TSR2: variants seen among roughly 807,000 people sequenced by gnomAD.
The protein encoded by TSR2 is pre-rRNA-processing protein TSR2 homolog.
TSR2 carries 1 observed loss-of-function variant against 13.3 expected under a neutral mutation model. The ratio of observed to expected loss-of-function variants is 0.08; its 90% CI spans 0.03 to 0.36. The LOEUF is 0.36. Among genes scored for constraint, TSR2 ranks in the 10% least tolerant of loss-of-function variants. The probability of loss-of-function intolerance (pLI) is 0.99; values close to 1 mark genes in which losing one functional copy is unlikely to be tolerated. For synonymous variants in TSR2, 60 were observed against 57.7 expected, an observed-to-expected ratio of 1.04 and a Z score of -0.18; for missense variants, 120 against 151.1, an observed-to-expected ratio of 0.79 and a Z score of 1.08.
Position 54,446,384 on chromosome X carries a change from T to A in TSR2, c.*1834T>A. 1 of 1,210,280 alleles carries A rather than the reference T, an allele frequency of 8.3e-7. No homozygotes were observed. Among genetic ancestry groups the A allele is most frequent in the Non-Finnish European group, 1.1e-6 (1 of 894,879 alleles). On this transcript the variant is annotated 3_prime_UTR_variant, in exon 5 of 5. Coordinates refer to ENST00000375151, the MANE Select transcript of TSR2 (RefSeq NM_058163.3). ...TCGGGCGGTCCCACCTCGAAGCCAA[T>A]GAGGGGCAGGCTGCGCTGGGCTTTC...
At position 54,443,931 on chromosome X, in the gene TSR2, C is replaced by T. The variant is rs1390363421; in HGVS notation, c.265-77C>T. 18 of 1,163,093 alleles carry T rather than the reference C, an allele frequency of 1.5e-5. No homozygotes were observed. In the South Asian group the frequency reaches 1.6e-4, roughly 10 times the overall value. On this transcript the variant is annotated intron_variant, in intron 3 of 4. Transcript: ENST00000375151. ...TTCTGGAAAAATCCAACCTACTCCC[C>T]ACTGTTGCTTCAAACACGTGCTGTT...
intron 2 of TSR2, among the ~76,000 whole-genome samples, chrX:54,441,358 G>A (rs929669597): frequency 8.9e-6 from 1 of 111,821 alleles, no homozygotes; most frequent in African/African-American, 3.3e-5. Flanking sequence ...GGATATACAA[G>A]AACAAGAGGC....
At chrX:54,440,616 C>T (rs1029518606) in intron 1 of TSR2, 74 bp from the exon 2 acceptor site, 23 of 1,126,201 alleles carry the variant, frequency 2.0e-5, no homozygotes, top group Non-Finnish European at 2.8e-5. Flanking sequence ...GTTGGCTGGG[C>T]GGCGTAAGCG....
At chrX:54,441,789 A>G (rs1200753730) in intron 2 of TSR2, among the ~76,000 whole-genome samples, 1 of 111,416 alleles carries the variant, frequency 9.0e-6, no homozygotes, top group Non-Finnish European at 1.9e-5. Flanking sequence ...AGCCCCCTTG[A>G]AAAGCATAAG....
intron 1 of TSR2, 25 bp downstream of exon 1, chrX:54,440,527 A>G (rs1236612768): frequency 1.7e-6 from 2 of 1,144,226 alleles, no homozygotes; most frequent in African/African-American, 1.8e-5. Flanking sequence ...GGCCAGGGCA[A>G]GGTCAAGGTT....
At position 54,445,142 on chromosome X, in the gene TSR2, C is replaced by T. The variant is rs1390692570; in HGVS notation, c.*592C>T. The T allele has an allele frequency of 9.0e-6, 1 of 111,204 alleles. No individual in the cohort carries two copies. The highest frequency in any genetic ancestry group is 2.8e-4 in the East Asian group (1 of 3,527). The allele number at this position is 111,204 out of a possible 1,213,427, so 9.2% of individuals were successfully genotyped here. On this transcript the variant is annotated 3_prime_UTR_variant, in exon 5 of 5. Transcript: ENST00000375151. ...TCAGCCCAGCCTCCAGTCCTGGGTT[C>T]CCTCAGGAATTCGAAGACCTTGGCT...
chrX:54,443,716 C>T (rs1394926355), intron 3 of TSR2, among the ~76,000 whole-genome samples: 1 of 111,924 alleles, frequency 8.9e-6, no homozygotes, highest in Non-Finnish European at 1.9e-5. Context: ...TCCATTTTCA[C>T]CCCCGCTCTG....
chrX:54,443,625 CCTTTT>C, intron 3 of TSR2, 134 bp downstream of exon 3: 1 of 485,890 alleles, frequency 2.1e-6, no homozygotes, highest in South Asian at 3.8e-5. Context: ...CCAAACCCTG[CCTTTT>C]CTTTATTTCT....
chrX:54,447,597 A>G lies in TSR2; in HGVS notation c.*3047A>G. On this transcript the variant is annotated 3_prime_UTR_variant, in exon 5 of 5. Transcript: ENST00000375151. ...CTCAGGTGGCAGGAGTGATTTGTCC[A>G]GTGCCACCCAGTGAATCAGCTAGAG... The G allele has an allele frequency of 3.2e-6, 2 of 630,049 alleles. No homozygotes were observed. Among genetic ancestry groups the G allele is most frequent in the Non-Finnish European group, 5.0e-6 (2 of 398,099 alleles). 51.9% of individuals were successfully genotyped at this position (630,049 alleles called of 1,213,427 possible). A position where few individuals can be genotyped will look rare whatever the true frequency, so the allele number is the denominator to read the frequency against.
rs749636767 is a variant in TSR2 at position 54,444,479 on chromosome X, C to T, written c.505C>T (p.Pro169Ser). 3.3e-5 allele frequency: 40 copies of T among 1,208,736 alleles called. No homozygotes were observed. The South Asian group carries it at 5.1e-4, about 15-fold the overall frequency. The change falls in exon 5 of 5, where the codon CCA becomes TCA. Residue 169 changes from proline (P) to serine (S), a missense_variant. Pro to Ser is a moderately conservative substitution (Grantham distance 74). Coordinates refer to ENST00000375151, the MANE Select transcript of TSR2 (RefSeq NM_058163.3). The part of the protein sequence containing the change: ...GVCPQPEPSD[P>S]DAQTIKEEDI... ...CTGCCCCCAGCCTGAACCCTCTGAT[C>T]CAGACGCTCAGACTATTAAGGAAGA...
chrX:54,444,201 CT>C lies in TSR2; in HGVS notation c.441+18del. ...GAGATGGAGGTGAAGTGGGTGCCCC[CT>C]GGGTTGGGGGATACAGATGTTTTCA... On this transcript the variant is annotated intron_variant, in intron 4 of 4. Coordinates refer to ENST00000375151, the MANE Select transcript of TSR2 (RefSeq NM_058163.3). 1 of 1,199,207 alleles carries C rather than the reference CT, an allele frequency of 8.3e-7. No homozygotes were observed. Among genetic ancestry groups the C allele is most frequent in the Non-Finnish European group, 1.1e-6 (1 of 887,534 alleles).
chrX:54,447,466 G>C lies in TSR2; in HGVS notation c.*2916G>C, dbSNP rs1252972952. On this transcript the variant is annotated 3_prime_UTR_variant, in exon 5 of 5. Transcript: ENST00000375151. The stretch of plus-strand genomic sequence containing the variant: ...ACTGAGGCCTGTTTCTGTGGCCAGA[G>C]ACACCGGGCATCAATGTTGACAGAA... The C allele has an allele frequency of 2.5e-6, 3 of 1,205,940 alleles. No homozygotes were observed. In the Admixed American group the frequency reaches 6.6e-5, roughly 27 times the overall value.
At chrX:54,443,948 C>G (rs1164006490) in intron 3 of TSR2, 60 bp from the exon 4 acceptor site, 1 of 1,176,083 alleles carries the variant, frequency 8.5e-7, no homozygotes, top group African/African-American at 1.8e-5. Context: ...GCTTCAAACA[C>G]GTGCTGTTTG....
chrX:54,443,419 G>A lies in TSR2; in HGVS notation c.192G>A (p.Glu64=), dbSNP rs1368885637. Residue 64 remains glutamate (E), a synonymous_variant, in exon 3 of 5, where the codon GAG becomes GAA. Transcript: ENST00000375151. The part of the protein sequence containing the change: ...FMRNADLELD[E]VEDFLGELLT... ...ACTTAGCTGACTTGGAGCTAGATGA[G>A]GTGGAAGACTTCCTTGGAGAGCTGT... The A allele has an allele frequency of 8.3e-7, 1 of 1,207,821 alleles. No individual in the cohort carries two copies. Among genetic ancestry groups the A allele is most frequent in the Non-Finnish European group, 1.1e-6 (1 of 893,694 alleles).
In TSR2 at chrX:54,446,046, GC is replaced by G; in HGVS notation, c.*1501del. 1 of 932,835 alleles carries G rather than the reference GC, an allele frequency of 1.1e-6. No individual in the cohort carries two copies. Among genetic ancestry groups the G allele is most frequent in the Non-Finnish European group, 1.5e-6 (1 of 665,766 alleles). 76.9% of individuals were successfully genotyped at this position (932,835 alleles called of 1,213,427 possible). A position where few individuals can be genotyped will look rare whatever the true frequency, so the allele number is the denominator to read the frequency against. On this transcript the variant is annotated 3_prime_UTR_variant, in exon 5 of 5. Transcript: ENST00000375151. ...CTGAGCTGGGAGGGAAGGGGCTAGA[GC>G]CCCCAATCAGACATGGGCAACTAGA... is the stretch of plus-strand genomic sequence containing the variant.
At position 54,447,227 on chromosome X, in the gene TSR2, T is replaced by G; in HGVS notation, c.*2677T>G. The G allele has an allele frequency of 9.4e-7, 1 of 1,068,959 alleles. No individual in the cohort carries two copies. The highest frequency in any genetic ancestry group is 1.3e-6 in the Non-Finnish European group (1 of 768,433). The allele number at this position is 1,068,959 out of a possible 1,213,427, so 88.1% of individuals were successfully genotyped here. On this transcript the variant is annotated 3_prime_UTR_variant, in exon 5 of 5. Transcript: ENST00000375151. Reference sequence around the variant, plus strand: ...TCACCTTATCTTCCAAGGCTCACCTTATCTTCCAAGGCCAAGGAGAGGTCA... The same window carrying G: ...TCACCTTATCTTCCAAGGCTCACCTGATCTTCCAAGGCCAAGGAGAGGTCA...
At position 54,447,276 on chromosome X, in the gene TSR2, G is replaced by C. The variant is rs367714019; in HGVS notation, c.*2726G>C. 3.3e-6 allele frequency: 4 copies of C among 1,205,276 alleles called. No homozygotes were observed. The African/African-American group carries it at 7.0e-5, about 21-fold the overall frequency. On this transcript the variant is annotated 3_prime_UTR_variant, in exon 5 of 5. Coordinates refer to ENST00000375151, the MANE Select transcript of TSR2 (RefSeq NM_058163.3). The stretch of plus-strand genomic sequence containing the variant: ...CAAGGACTGGATCTGGCTTTGCCAG[G>C]TGGCTGAAAGGACCCGAAGGAGTAG...
intron 3 of TSR2, 135 bp from the exon 4 acceptor site, chrX:54,443,873 T>G: frequency 1.0e-6 from 1 of 956,236 alleles, no homozygotes; most frequent in South Asian, 2.5e-5. Context: ...GCTTCATTGG[T>G]TAATTCCTTG....
At chrX:54,442,408 G>T (rs758380075) in intron 2 of TSR2, among the ~76,000 whole-genome samples, 1 of 111,608 alleles carries the variant, frequency 9.0e-6, no homozygotes, top group Non-Finnish European at 1.9e-5. Context: ...AACCCTGGAG[G>T]ATGCGAAGCA....
Sources: allele counts gnomAD v4.1 joint callset (sites outside exome capture counted in the v4.1 genomes callset), GRCh38; gene constraint gnomAD v4.1.1; transcripts MANE v1.5; gene names NCBI Gene and HGNC (gene_info 2026-07-23, HGNC 2026-07-21).